CFAP46: variants seen among roughly 807,000 people sequenced by gnomAD.
CFAP46 encodes the protein cilia- and flagella-associated protein 46.
In CFAP46, 245 loss-of-function variants were observed where a neutral mutation model predicts 325.7. That is an observed-to-expected ratio of 0.75 (90% CI 0.68 to 0.84). The LOEUF (loss-of-function observed/expected upper bound fraction) is 0.84, where lower values mean the gene tolerates loss of function less well. Ranked by LOEUF, CFAP46 falls within the 40% of genes least tolerant of loss-of-function variation. The pLI, the probability that CFAP46 is intolerant of heterozygous loss-of-function variation, is 0.00. For synonymous variants in CFAP46, 1,523 were observed against 1,495.9 expected, an observed-to-expected ratio of 1.02 and a Z score of -0.42; for missense variants, 3,346 against 3,543.0, an observed-to-expected ratio of 0.94 and a Z score of 1.41.
chr10:132,899,502 CAGA>C lies in CFAP46; in HGVS notation c.3056+30_3056+32del, dbSNP rs1300994554. On this transcript the variant is annotated intron_variant, in intron 23 of 57. Transcript: ENST00000368586. ...GGGGTCCCGCACGGCCGGGGAGGGA[CAGA>C]GCCCACCCCAGCCCCTTAGAGCCAC... 9.2e-6 allele frequency: 14 copies of C among 1,525,518 alleles called. No individual in the cohort carries two copies. In the Admixed American group the frequency reaches 1.4e-4, roughly 15 times the overall value. 94.5% of individuals were successfully genotyped at this position (1,525,518 alleles called of 1,614,324 possible).
chr10:132,883,111 C>G (rs763342337), intron 27 of CFAP46, among the ~76,000 whole-genome samples: 1 of 152,192 alleles, frequency 6.6e-6, no homozygotes, highest in Non-Finnish European at 1.5e-5. Flanking sequence ...AAACAAGACA[C>G]AGACAACTAG....
At chr10:132,821,612 CTGA>C (rs141885511) in intron 50 of CFAP46, among the ~76,000 whole-genome samples, 3,463 of 118,354 alleles carry the variant, frequency 0.029, 82 homozygotes, top group Middle Eastern at 0.078. Flanking sequence ...TGTGTGTGCG[CTGA>C]TGTGTGCTGT....
At chr10:132,820,934 CGCTGA>C (rs1591032214) in intron 50 of CFAP46, among the ~76,000 whole-genome samples, 5 of 76,516 alleles carry the variant, frequency 6.5e-5, no homozygotes, top group East Asian at 4.1e-4. Flanking sequence ...GCTGTGTGTG[CGCTGA>C]TGTGTGCTGT....
intron 50 of CFAP46, among the ~76,000 whole-genome samples, chr10:132,826,118 GGCA>G: frequency 7.1e-6 from 1 of 140,496 alleles, no homozygotes; most frequent in African/African-American, 2.7e-5. Flanking sequence ...CACGGAGCCA[GGCA>G]GGAGCCGGAG....
At chr10:132,928,765 C>G (rs1051298439) in intron 9 of CFAP46, among the ~76,000 whole-genome samples, 9 of 152,190 alleles carry the variant, frequency 5.9e-5, no homozygotes, top group Non-Finnish European at 1.2e-4. Flanking sequence ...AAAACCATCC[C>G]TGATAAACTG....
At position 132,877,599 on chromosome 10, in the gene CFAP46, G is replaced by C. The variant is rs544209660; in HGVS notation, c.4212+282C>G. Among the ~76,000 whole-genome samples the C allele has an allele frequency of 6.6e-6, 1 of 152,190 alleles. No homozygotes were observed. The highest frequency in any genetic ancestry group is 1.5e-5 in the Non-Finnish European group (1 of 68,038). On this transcript the variant is annotated intron_variant, in intron 30 of 57. Coordinates refer to ENST00000368586, the MANE Select transcript of CFAP46 (RefSeq NM_001200049.3). The surrounding 1 kb of genome is among the most constrained non-coding windows in gnomAD (Gnocchi z 5.7). ...GGCCCGGGATTCCTGCCAGGGACAA[G>C]CCAGGGTGCTTTACAGACATTCCCC... is the stretch of plus-strand genomic sequence containing the variant.
At chr10:132,822,671 GTGTGTGCTGTGTGTGCTGA>G (rs1313451461) in intron 50 of CFAP46, among the ~76,000 whole-genome samples, 13 of 133,526 alleles carry the variant, frequency 9.7e-5, no homozygotes, top group South Asian at 2.7e-4. Context: ...GTGTGCGCTT[GTGTGTGCTGTGTGTGCTGA>G]TGTGTGCTGT....
chr10:132,860,249 G>C (rs549296701), intron 37 of CFAP46, among the ~76,000 whole-genome samples, 168 bp downstream of exon 37: 44 of 152,362 alleles, frequency 2.9e-4, no homozygotes, highest in South Asian at 1.7e-3. Flanking sequence ...AGCAAGCTCA[G>C]GAAACTTCTG....
rs183305719 is a variant in CFAP46 at position 132,839,865 on chromosome 10, C to T, written c.6439-2951G>A. Among the ~76,000 whole-genome samples the T allele has an allele frequency of 3.0e-3, 458 of 152,210 alleles. 3 individuals are homozygous for T. Among genetic ancestry groups the T allele is most frequent in the Admixed American group, 0.013 (203 of 15,280 alleles). On this transcript the variant is annotated intron_variant, in intron 44 of 57. Transcript: ENST00000368586. ...AACTACTTCACCCTGACGTGGCGCC[C>T]CTTATAACTGCTGGACTTTATTTGC...
In CFAP46 at chr10:132,860,466, G is replaced by A. The variant is rs1564781963; in HGVS notation, c.5149C>T (p.Pro1717Ser). The part of the protein sequence containing the change: ...NAFKILKKER[P>S]NRLPLLEFMI... Reference sequence around the variant, plus strand: ...AATTCCAGTAAAGGCAATCGGTTTGGTCTTTCTTTCTTGAGGATCTTGAAG... The same window carrying A: ...AATTCCAGTAAAGGCAATCGGTTTGATCTTTCTTTCTTGAGGATCTTGAAG... The change falls in exon 37 of 58, where the codon CCA becomes TCA. Residue 1717 changes from proline to serine, a missense_variant. Physicochemically the swap from Pro to Ser is moderately conservative, Grantham distance 74. Transcript: ENST00000368586. 1 of 1,551,264 alleles carries A rather than the reference G, an allele frequency of 6.4e-7. No homozygotes were observed. The highest frequency in any genetic ancestry group is 2.4e-5 in the East Asian group (1 of 40,932).
At chr10:132,824,072 GATGTGTGCAC>G (rs1847969908) in intron 50 of CFAP46, among the ~76,000 whole-genome samples, 1 of 134,126 alleles carries the variant, frequency 7.5e-6, no homozygotes, top group Non-Finnish European at 1.6e-5. Flanking sequence ...GATGTGTGCT[GATGTGTGCAC>G]TGTGTGCTGT....
At position 132,924,863 on chromosome 10, in the gene CFAP46, C is replaced by T. The variant is rs777753287; in HGVS notation, c.1089G>A (p.Arg363=). 1.4e-6 allele frequency: 2 copies of T among 1,405,876 alleles called. No individual in the cohort carries two copies. Among genetic ancestry groups the T allele is most frequent in the South Asian group, 3.1e-5 (2 of 64,594 alleles). 87.1% of individuals were successfully genotyped at this position (1,405,876 alleles called of 1,614,324 possible). A position where few individuals can be genotyped will look rare whatever the true frequency, so the allele number is the denominator to read the frequency against. The change falls in exon 11 of 58, where the codon AGG becomes AGA. Residue 363 remains arginine (R), a synonymous_variant. Transcript: ENST00000368586. The stretch of plus-strand genomic sequence containing the variant: ...CGGCTCGCTGCAGCGCGACGTCTAG[C>T]CTCTGTATGATATCCAGCTGGGCCT... ...AVEAQLDIIQ[R]LDVALQRAVR... is the part of the protein sequence containing the mutation.
At chr10:132,825,037 G>GCC in intron 50 of CFAP46, among the ~76,000 whole-genome samples, 1 of 142,400 alleles carries the variant, frequency 7.0e-6, no homozygotes, top group African/African-American at 2.6e-5. Flanking sequence ...CTGTGTGTGT[G>GCC]GTGATGTGTG....
chr10:132,860,553 T>C (rs1277319174), intron 36 of CFAP46, 30 bp from the exon 37 acceptor site: 2 of 1,484,628 alleles, frequency 1.3e-6, no homozygotes, highest in Admixed American at 3.9e-5. Context: ...GATACGGGTG[T>C]GTCTGAGGAC....
intron 33 of CFAP46, among the ~76,000 whole-genome samples, chr10:132,868,602 A>G (rs1163416097): frequency 6.6e-6 from 1 of 152,234 alleles, no homozygotes; most frequent in Non-Finnish European, 1.5e-5. Flanking sequence ...TTTCAATGTA[A>G]CGGCGAAATG....
intron 25 of CFAP46, among the ~76,000 whole-genome samples, chr10:132,890,153 C>A (rs1318812742): frequency 1.3e-5 from 2 of 151,980 alleles, no homozygotes; most frequent in Non-Finnish European, 2.9e-5. Context: ...GCACAAAACC[C>A]CCCTCCACAG....
chr10:132,879,753 T>C lies in CFAP46; in HGVS notation c.3800-122A>G. On this transcript the variant is annotated intron_variant, in intron 28 of 57. Coordinates refer to ENST00000368586, the MANE Select transcript of CFAP46 (RefSeq NM_001200049.3). ...CCGGTGCCTCGCGGACACCCGGTGC[T>C]CCACTCTGCTGAGGGCCGGCAGCCA... 20 of 1,015,406 alleles carry C rather than the reference T, an allele frequency of 2.0e-5. 1 individual carries two copies. In the South Asian group the frequency reaches 3.7e-4, roughly 19 times the overall value. 62.9% of individuals were successfully genotyped at this position (1,015,406 alleles called of 1,614,324 possible).
intron 5 of CFAP46, 87 bp downstream of exon 5, chr10:132,938,502 G>A (rs1005179364): frequency 1.0e-5 from 13 of 1,265,308 alleles, no homozygotes; most frequent in African/African-American, 4.4e-5. Flanking sequence ...TGGAACTCCC[G>A]TCCCCCCCCC....
intron 11 of CFAP46, among the ~76,000 whole-genome samples, chr10:132,924,335 C>T (rs1014747018): frequency 2.6e-5 from 4 of 152,154 alleles, no homozygotes; most frequent in African/African-American, 7.2e-5. Flanking sequence ...TCCTCCCTGA[C>T]GCTGGGCCCT....
Sources: allele counts gnomAD v4.1 joint callset (sites outside exome capture counted in the v4.1 genomes callset), GRCh38; gene constraint gnomAD v4.1.1; non-coding constraint Gnocchi (gnomAD v3.1); transcripts MANE v1.5; gene names NCBI Gene and HGNC (gene_info 2026-07-23, HGNC 2026-07-21).